IL31RA: variants seen among roughly 807,000 people sequenced by gnomAD.
IL31RA encodes interleukin-31 receptor subunit alpha.
In IL31RA, 66 loss-of-function variants were observed where a neutral mutation model predicts 83.7. That is an observed-to-expected ratio of 0.79 (90% CI 0.65 to 0.97). IL31RA has a LOEUF of 0.97. Ranked by LOEUF, IL31RA falls within the 50% of genes least tolerant of loss-of-function variation. The pLI is 0.00. For missense variants in IL31RA, 798 were observed against 919.4 expected (o/e 0.87, Z 1.71); for synonymous variants, 325 against 329.0 (o/e 0.99, Z 0.13).
intron 6 of IL31RA, among the ~76,000 whole-genome samples, chr5:55,894,543 T>G (rs1748214840): frequency 6.6e-6 from 1 of 152,206 alleles, no homozygotes; most frequent in African/African-American, 2.4e-5. Context: ...TTTATCTCAT[T>G]GGGAGATCCT....
rs181258358 is a variant in IL31RA, at chr5:55,913,840, T to G, written c.1736+270T>G. ...AGAGTGCCAGCTGCCCCACAGGCTC[T>G]GTCTGCTCCATTTGCCATCTGAGAC... On this transcript the variant is annotated intron_variant, in intron 13 of 14. Transcript: ENST00000652347. Among the ~76,000 whole-genome samples, 323 of 152,368 alleles carry G rather than the reference T, an allele frequency of 2.1e-3. 2 individuals are homozygous for G. Among genetic ancestry groups the G allele is most frequent in the African/African-American group, 7.6e-3 (314 of 41,582 alleles).
chr5:55,910,563 CG>C lies in IL31RA; in HGVS notation c.1535del (p.Gly512AlafsTer5). On this transcript the variant is annotated frameshift_variant, in exon 12 of 15. Transcript: ENST00000652347. LOFTEE classifies it high-confidence loss of function. Reference sequence around the variant, plus strand: ...CAGTCAATTCCAGCATCTTGCAGTACGGCCTGGAGTCCCTGAAACGAAAGAC... The same window carrying C: ...CAGTCAATTCCAGCATCTTGCAGTACGCCTGGAGTCCCTGAAACGAAAGAC... ...KTVNSSILQY[G>X]LESLKRKTSY... The C allele has an allele frequency of 6.2e-7, 1 of 1,614,144 alleles. No individual in the cohort carries two copies. The highest frequency in any genetic ancestry group is 8.5e-7 in the Non-Finnish European group (1 of 1,180,014).
chr5:55,843,985 T>G, the IL31RA span, among the ~76,000 whole-genome samples: 5 of 152,190 alleles, frequency 3.3e-5, no homozygotes, highest in African/African-American at 7.2e-5. Flanking sequence ...TGCTAATTCA[T>G]GAATTTTTTT....
intron 7 of IL31RA, among the ~76,000 whole-genome samples, chr5:55,897,917 T>C (rs749857764): frequency 7.2e-4 from 109 of 152,194 alleles, no homozygotes; most frequent in Non-Finnish European, 1.4e-3. Flanking sequence ...CTGTTGAAAA[T>C]GGAGCAAGTG....
intron 6 of IL31RA, among the ~76,000 whole-genome samples, chr5:55,893,809 ATTTT>A (rs66540216): frequency 6.4e-5 from 8 of 125,918 alleles, no homozygotes; most frequent in Non-Finnish European, 8.2e-5. Context: ...CTATGAGATA[ATTTT>A]TTTTTTTTTT....
upstream of IL31RA, among the ~76,000 whole-genome samples, chr5:55,846,595 G>A (rs1744931668): frequency 6.6e-6 from 1 of 152,102 alleles, no homozygotes. Context: ...TCAGGAGTTC[G>A]AGACCAGCCT....
intron 11 of IL31RA, 143 bp from the exon 12 acceptor site, chr5:55,910,389 T>C: frequency 2.4e-6 from 2 of 839,318 alleles, no homozygotes; most frequent in Non-Finnish European, 4.0e-6. Context: ...ATCTTGATAT[T>C]TAAGCAGGAC....
upstream of IL31RA, among the ~76,000 whole-genome samples, chr5:55,847,242 TAAA>T (rs57359897): frequency 0.43 from 49,874 of 114,700 alleles, 10,017 homozygotes; most frequent in South Asian, 0.55. Context: ...AAAAAAAAAA[TAAA>T]AATAAATAAA....
rs1443534705 is a variant in IL31RA at position 55,872,442 on chromosome 5, G to C, written c.445G>C (p.Glu149Gln). ...IKSHMTYWRLENIAKTEPPKI... is the reference protein window; with the variant it reads ...IKSHMTYWRLQNIAKTEPPKI... Reference sequence around the variant, plus strand: ...ATCTCATATGACATACTGGAGATTAGAGAACATAGGTAAGTGTTATTTGAT... The same window carrying C: ...ATCTCATATGACATACTGGAGATTACAGAACATAGGTAAGTGTTATTTGAT... The change falls in exon 4 of 15, where the codon GAG becomes CAG. Residue 149 changes from glutamate to glutamine, a missense_variant. Coordinates refer to ENST00000652347, the MANE Select transcript of IL31RA (RefSeq NM_139017.7). 6.3e-7 allele frequency: 1 copy of C among 1,594,388 alleles called. No homozygotes were observed. Among genetic ancestry groups the C allele is most frequent in the Non-Finnish European group, 8.6e-7 (1 of 1,162,786 alleles).
intron 7 of IL31RA, among the ~76,000 whole-genome samples, chr5:55,899,561 G>A (rs1354451143): frequency 1.3e-5 from 2 of 152,228 alleles, no homozygotes; most frequent in Non-Finnish European, 2.9e-5. Context: ...CCAGACTTTG[G>A]ATGGGCTGAG....
intron 5 of IL31RA, among the ~76,000 whole-genome samples, chr5:55,886,747 T>G (rs1013202697): frequency 6.6e-6 from 1 of 152,210 alleles, no homozygotes; most frequent in Non-Finnish European, 1.5e-5. Context: ...TGCTCTTGCC[T>G]CTCTGGTCAT....
Position 55,870,501 on chromosome 5 carries a change from G to A in IL31RA, c.272+1593G>A, listed in dbSNP as rs1231823187. ...AATTGCTAGTAGAATGAGAATCTGG[G>A]CACCTTTATAGGTTTACTGCTATTT... On this transcript the variant is annotated intron_variant, in intron 3 of 14. Transcript: ENST00000652347. 2.0e-5 allele frequency among the ~76,000 whole-genome samples: 3 copies of A among 152,258 alleles called. No individual in the cohort carries two copies. In the East Asian group the frequency reaches 5.8e-4, roughly 29 times the overall value.
chr5:55,854,721 G>A (rs1453416878), intron 1 of IL31RA, among the ~76,000 whole-genome samples: 2 of 149,718 alleles, frequency 1.3e-5, no homozygotes, highest in Non-Finnish European at 3.0e-5. Context: ...CTCCAGTCTG[G>A]GTCACAGAGT....
intron 1 of IL31RA, among the ~76,000 whole-genome samples, chr5:55,852,610 G>A (rs1745129959): frequency 6.6e-6 from 1 of 152,224 alleles, no homozygotes; most frequent in African/African-American, 2.4e-5. Context: ...GGGCTGGAAA[G>A]CATAGCTTGT....
At chr5:55,872,228 C>T (rs781712985) in intron 3 of IL31RA, 42 bp from the exon 4 acceptor site, 1 of 1,435,122 alleles carries the variant, frequency 7.0e-7, no homozygotes, top group Non-Finnish European at 9.8e-7. Flanking sequence ...TGTTTCCAAA[C>T]CATTGTACTA....
At chr5:55,867,314 TGTGC>T (rs143201151) in intron 2 of IL31RA, among the ~76,000 whole-genome samples, 12 of 149,294 alleles carry the variant, frequency 8.0e-5, no homozygotes, top group East Asian at 5.8e-4. Context: ...CGTGTGTGTG[TGTGC>T]GTGTGTGTGT....
rs34217814 is a variant in IL31RA at position 55,881,716 on chromosome 5, A to ATTTTTTTTTT, written c.455-1308_455-1299dup. On this transcript the variant is annotated intron_variant, in intron 4 of 14. Coordinates refer to ENST00000652347, the MANE Select transcript of IL31RA (RefSeq NM_139017.7). ...TGAGCCCACTCGCCCAGTTCCTGAG[A>ATTTTTTTTTT]TTTTTTTTTTTTTTTTTTTTTTTTT... Among the ~76,000 whole-genome samples the ATTTTTTTTTT allele has an allele frequency of 6.7e-5, 4 of 59,630 alleles. 1 individual carries two copies. Among genetic ancestry groups the ATTTTTTTTTT allele is most frequent in the African/African-American group, 2.9e-4 (4 of 13,646 alleles). The allele number at this position is 59,630 out of a possible 152,430, so 39.1% of individuals were successfully genotyped here. A position where few individuals can be genotyped will look rare whatever the true frequency, so the allele number is the denominator to read the frequency against.
intron 1 of IL31RA, among the ~76,000 whole-genome samples, chr5:55,855,072 A>C (rs1745275364): frequency 6.6e-6 from 1 of 152,076 alleles, no homozygotes; most frequent in African/African-American, 2.4e-5. Context: ...CCTCCCTCTC[A>C]GTGTTATGAG....
At chr5:55,843,446 G>A in the IL31RA span, among the ~76,000 whole-genome samples, 441 of 152,264 alleles carry the variant, frequency 2.9e-3, 3 homozygotes, top group African/African-American at 0.01. Context: ...TTGCCAGTGA[G>A]TTCCTGCTCT....
Sources: gnomAD v4.1 joint callset for allele counts (sites outside exome capture counted in the v4.1 genomes callset) on GRCh38, gnomAD v4.1.1 for gene constraint, MANE v1.5 for transcripts, NCBI Gene and HGNC (gene_info 2026-07-23, HGNC 2026-07-21) for gene names.